Variants in TXNRD3 observed in about 807,000 individuals in gnomAD.
The protein encoded by TXNRD3 is TXNRD3 neighbor gene protein.
TXNRD3 carries 68 observed loss-of-function variants against 78.2 expected under a neutral mutation model. The observed-to-expected ratio is 0.87, with a 90% CI of 0.72 to 1.06. TXNRD3 has a LOEUF of 1.06. TXNRD3 is among the 50% of genes least tolerant of loss of function. The pLI is 0.00. For synonymous variants in TXNRD3, 296 were observed against 300.1 expected, an observed-to-expected ratio of 0.99 and a Z score of 0.14; for missense variants, 751 against 809.5, an observed-to-expected ratio of 0.93 and a Z score of 0.88.
At chr3:126,617,249 C>T (rs1429113992) in intron 12 of TXNRD3, among the ~76,000 whole-genome samples, 1 of 152,178 alleles carries the variant, frequency 6.6e-6, no homozygotes, top group Non-Finnish European at 1.5e-5. Flanking sequence ...TTTCTTTATA[C>T]TCTACACATA....
chr3:126,642,024 T>C lies in TXNRD3; in HGVS notation c.712+8A>G. ...CTCTCAATCTATACTTTATGAACCA[T>C]TACTCACCTTGTTGATTATATTCCC... On this transcript the variant is annotated splice_region_variant and intron_variant, in intron 6 of 15. Coordinates refer to ENST00000524230, the MANE Select transcript of TXNRD3 (RefSeq NM_052883.3). 1 of 1,532,708 alleles carries C rather than the reference T, an allele frequency of 6.5e-7. No homozygotes were observed. The highest frequency in any genetic ancestry group is 2.4e-5 in the East Asian group (1 of 40,880). The allele number at this position is 1,532,708 out of a possible 1,614,324, so 94.9% of individuals were successfully genotyped here. A position where few individuals can be genotyped will look rare whatever the true frequency, so the allele number is the denominator to read the frequency against.
At chr3:126,639,947 T>A (rs891937485) in intron 6 of TXNRD3, among the ~76,000 whole-genome samples, 1 of 152,064 alleles carries the variant, frequency 6.6e-6, no homozygotes, top group Non-Finnish European at 1.5e-5. Flanking sequence ...CACTGCCAAG[T>A]CAGGAGGCCT....
chr3:126,645,245 C>T (rs1397263352), intron 3 of TXNRD3, among the ~76,000 whole-genome samples: 1 of 152,186 alleles, frequency 6.6e-6, no homozygotes, highest in Non-Finnish European at 1.5e-5. Flanking sequence ...GGAAATCCAC[C>T]TCCTCAGAAT....
intron 10 of TXNRD3, among the ~76,000 whole-genome samples, chr3:126,623,262 T>C (rs761516893): frequency 1.3e-5 from 2 of 152,166 alleles, no homozygotes; most frequent in Non-Finnish European, 2.9e-5. Flanking sequence ...GGAAAGTCTA[T>C]GGAATACTTA....
At position 126,643,971 on chromosome 3, in the gene TXNRD3, A is replaced by C; in HGVS notation, c.592+10T>G. ...AGAGCAGAGAGGAACAACAGAGAAA[A>C]ACAACTTACCCCAGGATGTGCCCTG... On this transcript the variant is annotated intron_variant, in intron 5 of 15. Transcript: ENST00000524230. 1 of 1,534,246 alleles carries C rather than the reference A, an allele frequency of 6.5e-7. No homozygotes were observed. Among genetic ancestry groups the C allele is most frequent in the Non-Finnish European group, 8.7e-7 (1 of 1,146,364 alleles).
intron 6 of TXNRD3, among the ~76,000 whole-genome samples, chr3:126,636,143 G>A (rs1938856524): frequency 1.3e-5 from 2 of 151,962 alleles, no homozygotes; most frequent in South Asian, 2.1e-4. Flanking sequence ...TCGCTATGTT[G>A]CCCAGGCTAG....
At chr3:126,644,748 G>A (rs1448569708) in intron 3 of TXNRD3, among the ~76,000 whole-genome samples, 1 of 152,218 alleles carries the variant, frequency 6.6e-6, no homozygotes, top group East Asian at 1.9e-4. Context: ...GAATAGCCAA[G>A]TATCATTTTT....
At chr3:126,620,078 G>A (rs1225965597) in intron 12 of TXNRD3, among the ~76,000 whole-genome samples, 3 of 151,902 alleles carry the variant, frequency 2.0e-5, no homozygotes, top group Admixed American at 2.0e-4. Context: ...GGCGGATCAC[G>A]AGGTTAGGAG....
rs548859700 is a variant in TXNRD3 at position 126,630,792 on chromosome 3, C to T, written c.1117G>A (p.Asp373Asn). The T allele has an allele frequency of 2.7e-4, 421 of 1,535,010 alleles. No individual in the cohort carries two copies. The highest frequency in any genetic ancestry group is 8.9e-4 in the South Asian group (75 of 84,002). The change falls in exon 9 of 16, where the codon GAC becomes AAC. Residue 373 changes from aspartate to asparagine, a missense_variant. Physicochemically the swap from Asp to Asn is conservative, Grantham distance 23 (BLOSUM62 1). Transcript: ENST00000524230. ...CCCACTTTTTCTGCCATTTCTTGGT[C>T]GAAGCCACGGAGAAGGATTGAGCGT...
chr3:126,607,887 A>T lies in TXNRD3; in HGVS notation c.*18T>A. 1 of 1,499,428 alleles carries T rather than the reference A, an allele frequency of 6.7e-7. No individual in the cohort carries two copies. The highest frequency in any genetic ancestry group is 8.9e-7 in the Non-Finnish European group (1 of 1,120,382). The allele number at this position is 1,499,428 out of a possible 1,614,324, so 92.9% of individuals were successfully genotyped here. A position where few individuals can be genotyped will look rare whatever the true frequency, so the allele number is the denominator to read the frequency against. ...AGAGAAATGAGAATATGACAAGGAG[A>T]ACTAAACAGCAGCAGGCCTAGCCTC... is the stretch of plus-strand genomic sequence containing the variant. On this transcript the variant is annotated 3_prime_UTR_variant, in exon 16 of 16. Coordinates refer to ENST00000524230, the MANE Select transcript of TXNRD3 (RefSeq NM_052883.3).
rs1401562443 is a variant in TXNRD3, at chr3:126,644,461, G to A, written c.415-60C>T. ...AATTTAAAGTTTTACAGCTATTTAT[G>A]TACACCCTATGTTCAACTGGTATGG... On this transcript the variant is annotated intron_variant, in intron 3 of 15. Coordinates refer to ENST00000524230, the MANE Select transcript of TXNRD3 (RefSeq NM_052883.3). 7.8e-6 allele frequency: 9 copies of A among 1,146,858 alleles called. No homozygotes were observed. The Admixed American group carries it at 1.5e-4, about 19-fold the overall frequency. 71.0% of individuals were successfully genotyped at this position (1,146,858 alleles called of 1,614,324 possible). A position where few individuals can be genotyped will look rare whatever the true frequency, so the allele number is the denominator to read the frequency against.
Position 126,631,718 on chromosome 3 carries a change from A to G in TXNRD3, c.971+46T>C, listed in dbSNP as rs148212860. ...AGTAAACTGGAAACATGTCAATATA[A>G]TTCAATTTATTAACATTAAAGTTAA... On this transcript the variant is annotated intron_variant, in intron 8 of 15. Transcript: ENST00000524230. 7.8e-5 allele frequency: 92 copies of G among 1,182,516 alleles called. No homozygotes were observed. The African/African-American group carries it at 1.3e-3, about 17-fold the overall frequency. 73.3% of individuals were successfully genotyped at this position (1,182,516 alleles called of 1,614,324 possible).
At position 126,607,432 on chromosome 3, in the gene TXNRD3, C is replaced by T. The variant is rs2107606411; in HGVS notation, c.*473G>A. ...AATGCAGCCCACAGCAGCCCACAGA[C>T]ACTGTTCACCAGTGAGCATGTGTGA... is the stretch of plus-strand genomic sequence containing the variant. On this transcript the variant is annotated 3_prime_UTR_variant, in exon 16 of 16. Coordinates refer to ENST00000524230, the MANE Select transcript of TXNRD3 (RefSeq NM_052883.3). 6.6e-6 allele frequency: 1 copy of T among 152,566 alleles called. No individual in the cohort carries two copies. Among genetic ancestry groups the T allele is most frequent in the Middle Eastern group, 3.4e-3 (1 of 298 alleles). 9.5% of individuals were successfully genotyped at this position (152,566 alleles called of 1,614,324 possible).
At chr3:126,608,881 TGAA>T (rs1938125964) in intron 14 of TXNRD3, among the ~76,000 whole-genome samples, 1 of 152,220 alleles carries the variant, frequency 6.6e-6, no homozygotes, top group Non-Finnish European at 1.5e-5. Context: ...ACCCACTGCA[TGAA>T]GGAGTTCATT....
intron 6 of TXNRD3, among the ~76,000 whole-genome samples, chr3:126,635,827 A>T (rs1938846977): frequency 6.6e-6 from 1 of 152,196 alleles, no homozygotes; most frequent in Non-Finnish European, 1.5e-5. Flanking sequence ...ACATGTGAGT[A>T]TGTGTATATA....
chr3:126,642,695 G>GA (rs1483852137), intron 5 of TXNRD3, among the ~76,000 whole-genome samples: 1 of 152,186 alleles, frequency 6.6e-6, no homozygotes, highest in Non-Finnish European at 1.5e-5. Context: ...AAAGGGAGGA[G>GA]AAAAAGAGGA....
At chr3:126,648,364 A>G (rs540859134) in intron 1 of TXNRD3, among the ~76,000 whole-genome samples, 1 of 152,320 alleles carries the variant, frequency 6.6e-6, no homozygotes, top group African/African-American at 2.4e-5. Context: ...GCAGAAATAG[A>G]AAAATCCATC....
chr3:126,638,779 T>G (rs1473850717), intron 6 of TXNRD3, among the ~76,000 whole-genome samples: 1 of 152,150 alleles, frequency 6.6e-6, no homozygotes, highest in Middle Eastern at 3.2e-3. Flanking sequence ...GGGGGAACTT[T>G]GAGGAAGCTA....
intron 6 of TXNRD3, among the ~76,000 whole-genome samples, chr3:126,641,120 T>C (rs1185589611): frequency 1.3e-5 from 2 of 152,140 alleles, no homozygotes; most frequent in Non-Finnish European, 2.9e-5. Context: ...GAAACAATCA[T>C]ATCCTCCTCC....
Sources: allele counts gnomAD v4.1 joint callset (sites outside exome capture counted in the v4.1 genomes callset), GRCh38; gene constraint gnomAD v4.1.1; transcripts MANE v1.5; gene names NCBI Gene and HGNC (gene_info 2026-07-23, HGNC 2026-07-21).